The following RALYL variants were observed in gnomAD, a reference collection of about 807,000 sequenced individuals.
RALYL encodes the protein RNA-binding Raly-like protein.
RALYL carries 29 observed loss-of-function variants against 35.1 expected under a neutral mutation model. That is an observed-to-expected ratio of 0.83 (90% CI 0.61 to 1.13). RALYL has a LOEUF of 1.13. Among genes scored for constraint, RALYL ranks in the 50% most tolerant of loss-of-function variants. RALYL has a pLI of 0.00. For synonymous variants in RALYL, 120 were observed against 127.6 expected (o/e 0.94, Z 0.40); for missense variants, 359 against 360.4 (o/e 1.00, Z 0.03).
chr8:84,290,048 C>T (rs1037501786), intron 1 of RALYL, among the ~76,000 whole-genome samples: 8 of 152,276 alleles, frequency 5.3e-5, no homozygotes, highest in Admixed American at 3.3e-4. Flanking sequence ...AAATATTAGA[C>T]GCTGATACCA....
At chr8:84,683,450 T>C (rs971344000) in intron 2 of RALYL, among the ~76,000 whole-genome samples, 1 of 152,158 alleles carries the variant, frequency 6.6e-6, no homozygotes, top group Non-Finnish European at 1.5e-5. Flanking sequence ...GGTGTTAAAG[T>C]CTCCCATTAT....
intron 1 of RALYL, among the ~76,000 whole-genome samples, chr8:84,480,685 T>C (rs2053952619): frequency 6.6e-6 from 1 of 152,094 alleles, no homozygotes; most frequent in South Asian, 2.1e-4. Flanking sequence ...GGAGTTCCTA[T>C]TGTGTTGAAA....
intron 2 of RALYL, among the ~76,000 whole-genome samples, chr8:84,658,990 T>A (rs986548078): frequency 6.6e-5 from 10 of 152,272 alleles, no homozygotes; most frequent in Middle Eastern, 6.8e-3. Context: ...AAGTTGACTC[T>A]GACTTGTTTC....
rs139580999 is a variant in RALYL at position 84,440,623 on chromosome 8, T to C, written c.-23-88676T>C. Among the ~76,000 whole-genome samples, 635 of 152,236 alleles carry C rather than the reference T, an allele frequency of 4.2e-3. 6 individuals carry two copies. The South Asian group carries it at 0.043, about 10-fold the overall frequency. On this transcript the variant is annotated intron_variant, in intron 1 of 8. Coordinates refer to ENST00000521268, the MANE Select transcript of RALYL (RefSeq NM_173848.7). ...ATAAACCTACTCTCTTAAGTCTTGC[T>C]TCTTCTTTCACTAAGCATAATGCAT...
At chr8:84,706,058 G>T (rs1360418962) in intron 2 of RALYL, 1 of 1,534,830 alleles carries the variant, frequency 6.5e-7, no homozygotes, top group Admixed American at 2.0e-5. Flanking sequence ...AGACATCAGA[G>T]ATGTAAGTAA....
At chr8:84,900,540 A>T (rs1485165537) in intron 8 of RALYL, among the ~76,000 whole-genome samples, 1 of 152,030 alleles carries the variant, frequency 6.6e-6, no homozygotes, top group Non-Finnish European at 1.5e-5. Flanking sequence ...TTAGCCAATC[A>T]TGGTGGCACA....
intron 1 of RALYL, among the ~76,000 whole-genome samples, chr8:84,335,727 TTC>T (rs948756970): frequency 4.2e-5 from 6 of 141,768 alleles, no homozygotes; most frequent in Non-Finnish European, 6.3e-5. Flanking sequence ...TTTTTTTTTT[TTC>T]CAAGACCTGA....
chr8:84,384,740 A>T (rs939089941), intron 1 of RALYL, among the ~76,000 whole-genome samples: 8 of 151,682 alleles, frequency 5.3e-5, no homozygotes, highest in Non-Finnish European at 1.0e-4. Flanking sequence ...CGCTCTGTGG[A>T]TTGACACCAG....
chr8:84,385,429 A>G (rs769459091), intron 1 of RALYL, among the ~76,000 whole-genome samples: 6 of 151,862 alleles, frequency 4.0e-5, no homozygotes, highest in Non-Finnish European at 8.8e-5. Context: ...AACCTTAAAT[A>G]TGATACTTAC....
At chr8:84,189,806 G>A (rs1813421422) in intron 1 of RALYL, among the ~76,000 whole-genome samples, 1 of 152,052 alleles carries the variant, frequency 6.6e-6, no homozygotes, top group African/African-American at 2.4e-5. Context: ...CTGTAGTTTG[G>A]CAAGTTTTCA....
intron 1 of RALYL, among the ~76,000 whole-genome samples, chr8:84,354,885 C>A (rs933890070): frequency 6.7e-6 from 1 of 150,288 alleles, no homozygotes; most frequent in Admixed American, 6.6e-5. Flanking sequence ...CACAAAATAG[C>A]TCTACCTGGG....
At chr8:84,595,669 A>G (rs1814331910) in intron 2 of RALYL, among the ~76,000 whole-genome samples, 1 of 152,134 alleles carries the variant, frequency 6.6e-6, no homozygotes, top group South Asian at 2.1e-4. Flanking sequence ...ATAAAATATG[A>G]AACATAACTG....
intron 1 of RALYL, among the ~76,000 whole-genome samples, chr8:84,240,783 C>T (rs185481941): frequency 7.0e-4 from 106 of 152,184 alleles, no homozygotes; most frequent in African/African-American, 2.5e-3. Context: ...TGATAAAAAG[C>T]TCAAATTTGA....
intron 1 of RALYL, among the ~76,000 whole-genome samples, chr8:84,409,052 G>A (rs531040754): frequency 1.6e-4 from 25 of 151,926 alleles, no homozygotes; most frequent in Non-Finnish European, 3.4e-4. Flanking sequence ...ATTATGTGAC[G>A]AGGAAAGAAA....
intron 1 of RALYL, among the ~76,000 whole-genome samples, chr8:84,494,658 A>T (rs575961395): frequency 3.9e-5 from 6 of 152,156 alleles, no homozygotes; most frequent in African/African-American, 1.4e-4. Flanking sequence ...TCTTTGTAGC[A>T]ATCATGAATA....
intron 2 of RALYL, among the ~76,000 whole-genome samples, chr8:84,650,786 A>C (rs1160985982): frequency 2.0e-5 from 3 of 151,728 alleles, no homozygotes; most frequent in African/African-American, 7.3e-5. Context: ...TGTTTATTGC[A>C]GCACTATTCA....
intron 1 of RALYL, among the ~76,000 whole-genome samples, chr8:84,247,264 A>G (rs777497956): frequency 6.6e-6 from 1 of 152,164 alleles, no homozygotes; most frequent in Non-Finnish European, 1.5e-5. Flanking sequence ...AAGTATGTCA[A>G]ATGTGCCCTA....
intron 1 of RALYL, among the ~76,000 whole-genome samples, chr8:84,240,687 C>A (rs1325278550): frequency 6.6e-6 from 1 of 152,148 alleles, no homozygotes; most frequent in Non-Finnish European, 1.5e-5. Context: ...TTAGGCATTT[C>A]TAAGAACTTT....
chr8:84,606,312 C>T (rs767198845), intron 2 of RALYL, among the ~76,000 whole-genome samples: 7 of 152,094 alleles, frequency 4.6e-5, no homozygotes, highest in Non-Finnish European at 7.4e-5. Flanking sequence ...GAATCGTTTT[C>T]AGCAAAAATC....
Sources: allele counts gnomAD v4.1 joint callset (sites outside exome capture counted in the v4.1 genomes callset), GRCh38; gene constraint gnomAD v4.1.1; transcripts MANE v1.5; gene names NCBI Gene and HGNC (gene_info 2026-07-23, HGNC 2026-07-21).